The following GRK7 variants were observed in gnomAD, a reference collection of about 807,000 sequenced individuals.
GRK7 encodes G protein-coupled receptor kinase 7.
A neutral mutation model predicts 34.1 loss-of-function variants in GRK7; 24 were observed. The observed-to-expected ratio is 0.70, with a 90% CI of 0.51 to 0.99. GRK7 has a LOEUF of 0.99. GRK7 is among the 50% of genes least tolerant of loss of function. The pLI is 0.00. For missense variants in GRK7, 644 were observed against 707.3 expected (o/e 0.91, Z 1.02); for synonymous variants, 256 against 279.4 (o/e 0.92, Z 0.84).
chr3:141,752,364 C>T, the GRK7 span, among the ~76,000 whole-genome samples: 5 of 152,246 alleles, frequency 3.3e-5, no homozygotes, highest in East Asian at 1.9e-4. Flanking sequence ...ATGTCCACAA[C>T]GTAGTGGAGG....
intron 1 of GRK7, among the ~76,000 whole-genome samples, chr3:141,768,996 C>T (rs1359813427): frequency 1.3e-5 from 2 of 152,104 alleles, no homozygotes; most frequent in Non-Finnish European, 2.9e-5. Flanking sequence ...AGTCTCACTC[C>T]CTTCTCTCTC....
Position 141,778,792 on chromosome 3 carries a change from G to T in GRK7, c.508G>T (p.Ala170Ser), listed in dbSNP as rs752439966. The T allele has an allele frequency of 1.9e-6, 3 of 1,607,866 alleles. No homozygotes were observed. Residue 170 changes from alanine (A) to serine (S), a missense_variant, in exon 3 of 6, where the codon GCC becomes TCC. By Grantham distance (99) the Ala-to-Ser change is moderately conservative (BLOSUM62 1). Coordinates refer to ENST00000682958, the MANE Select transcript of GRK7 (RefSeq NM_139209.3). This position sits in a 1 kb window ranked among gnomAD's most constrained non-coding sequence, Gnocchi z 4.1. Reference protein sequence around the residue: ...EQPFKDFVTSAFYDKFLQWKL... With the variant: ...EQPFKDFVTSSFYDKFLQWKL... Reference sequence around the variant, plus strand: ...GCCCTTTAAGGATTTCGTGACCAGCGCCTTCTACGACAAGTTTCTGCAGTG... The same window carrying T: ...GCCCTTTAAGGATTTCGTGACCAGCTCCTTCTACGACAAGTTTCTGCAGTG...
chr3:141,760,008 T>C (rs2084548201), upstream of GRK7, among the ~76,000 whole-genome samples: 1 of 91,914 alleles, frequency 1.1e-5, no homozygotes. Context: ...TGATATCCCC[T>C]TTATCATTTT....
chr3:141,806,261 C>G (rs1711034235), intron 4 of GRK7, among the ~76,000 whole-genome samples: 1 of 152,088 alleles, frequency 6.6e-6, no homozygotes, highest in Non-Finnish European at 1.5e-5. Context: ...TGTCATATCG[C>G]TCTCTGAAAA....
At chr3:141,779,663 G>A (rs1447546545) in intron 3 of GRK7, among the ~76,000 whole-genome samples, 1 of 152,118 alleles carries the variant, frequency 6.6e-6, no homozygotes, top group Non-Finnish European at 1.5e-5. Context: ...CATCACCCCT[G>A]TGCCCATTAA....
rs569108851 is a variant in GRK7, at chr3:141,778,356, C to G, written c.72C>G (p.Asp24Glu). ...TAYLQARKPS[D>E]CDSKELQRRR... ...ACCTGCAGGCCCGGAAGCCCTCGGA[C>G]TGCGACAGCAAAGAGCTGCAGCGGC... Residue 24 changes from aspartate (D) to glutamate (E), a missense_variant, in exon 3 of 6, where the codon GAC (aspartate) becomes GAG (glutamate). Coordinates refer to ENST00000682958, the MANE Select transcript of GRK7 (RefSeq NM_139209.3). This position sits in a 1 kb window ranked among gnomAD's most constrained non-coding sequence, Gnocchi z 4.1. The G allele has an allele frequency of 3.0e-4, 489 of 1,610,254 alleles. 5 individuals carry two copies. In the South Asian group the frequency reaches 5.1e-3, roughly 17 times the overall value.
At chr3:141,812,853 C>T (rs903258552) in intron 5 of GRK7, among the ~76,000 whole-genome samples, 1 of 152,012 alleles carries the variant, frequency 6.6e-6, no homozygotes, top group African/African-American at 2.4e-5. Flanking sequence ...TTTTAAGGGC[C>T]CTTTTGACAC....
At chr3:141,795,370 A>G (rs2084744002) in intron 4 of GRK7, among the ~76,000 whole-genome samples, 1 of 152,186 alleles carries the variant, frequency 6.6e-6, no homozygotes, top group South Asian at 2.1e-4. Context: ...CCCCCAACAC[A>G]AAGCATATTC....
At chr3:141,805,491 C>T (rs2107892764) in intron 4 of GRK7, among the ~76,000 whole-genome samples, 1 of 152,276 alleles carries the variant, frequency 6.6e-6, no homozygotes, top group East Asian at 1.9e-4. Flanking sequence ...CTGGACAAGA[C>T]GCCAGGGCAA....
At chr3:141,780,282 C>A in intron 3 of GRK7, 92 bp from the exon 4 acceptor site, 2 of 1,098,566 alleles carry the variant, frequency 1.8e-6, no homozygotes, top group Non-Finnish European at 2.6e-6. Flanking sequence ...CAATGCCTAA[C>A]ATCTTTCCAC....
chr3:141,819,043 A>ATT lies in GRK7; in HGVS notation c.*2003_*2004dup, dbSNP rs146007277. Among the ~76,000 whole-genome samples the ATT allele has an allele frequency of 2.0e-5, 3 of 148,592 alleles. No individual in the cohort carries two copies. The highest frequency in any genetic ancestry group is 7.4e-5 in the African/African-American group (3 of 40,682). ...AGCAGGATAGAAGTGTGCCCAGGAG[A>ATT]TTTTTTTTTTTCCTGAAGTAAGAAA... On this transcript the variant is annotated 3_prime_UTR_variant, in exon 6 of 6. Coordinates refer to ENST00000682958, the MANE Select transcript of GRK7 (RefSeq NM_139209.3).
In GRK7 at chr3:141,818,890, A is replaced by C. The variant is rs192011067; in HGVS notation, c.*1840A>C. Among the ~76,000 whole-genome samples the C allele has an allele frequency of 1.5e-4, 23 of 152,308 alleles. No homozygotes were observed. The highest frequency in any genetic ancestry group is 4.3e-4 in the African/African-American group (18 of 41,566). ...ACCACACCTGGAACAAGTTAAGAAG[A>C]AGCCCTCTGAGAGTTGAGGCCTCGG... On this transcript the variant is annotated 3_prime_UTR_variant, in exon 6 of 6. Transcript: ENST00000682958.
At chr3:141,815,112 A>G (rs1711137873) in intron 5 of GRK7, among the ~76,000 whole-genome samples, 1 of 151,856 alleles carries the variant, frequency 6.6e-6, no homozygotes, top group South Asian at 2.1e-4. Context: ...TTTAGTAGAG[A>G]TGGGGTTTCA....
At chr3:141,792,260 C>T (rs775754912) in intron 4 of GRK7, among the ~76,000 whole-genome samples, 3 of 151,694 alleles carry the variant, frequency 2.0e-5, no homozygotes, top group African/African-American at 4.8e-5. Context: ...AAAAATTAGC[C>T]GGGCATTGTA....
Position 141,778,596 on chromosome 3 carries a change from C to A in GRK7, c.312C>A (p.Ser104Arg). ...ELAEEGPTKD[S>R]ALQGLVATCA... Reference sequence around the variant, plus strand: ...CCGAGGAGGGACCCACCAAAGACAGCGCGCTGCAGGGGCTGGTGGCCACTT... The same window carrying A: ...CCGAGGAGGGACCCACCAAAGACAGAGCGCTGCAGGGGCTGGTGGCCACTT... Residue 104 changes from serine to arginine, a missense_variant, in exon 3 of 6, where the codon AGC becomes AGA. Transcript: ENST00000682958. This position sits in a 1 kb window ranked among gnomAD's most constrained non-coding sequence, Gnocchi z 4.1. The A allele has an allele frequency of 1.9e-6, 3 of 1,612,714 alleles. No homozygotes were observed. The highest frequency in any genetic ancestry group is 1.3e-5 in the African/African-American group (1 of 75,070).
At chr3:141,801,622 C>T (rs1037527401) in intron 4 of GRK7, among the ~76,000 whole-genome samples, 2 of 151,896 alleles carry the variant, frequency 1.3e-5, no homozygotes, top group African/African-American at 4.8e-5. Flanking sequence ...CAAATATGTC[C>T]AGATAATATT....
At chr3:141,796,006 T>TCTAATATAGA (rs1191612310) in intron 4 of GRK7, among the ~76,000 whole-genome samples, 10 of 152,146 alleles carry the variant, frequency 6.6e-5, no homozygotes, top group African/African-American at 2.4e-4. Context: ...TGTCATCTAA[T>TCTAATATAGA]CTAATATAGA....
chr3:141,789,183 T>C (rs577608555), intron 4 of GRK7, among the ~76,000 whole-genome samples: 1 of 152,302 alleles, frequency 6.6e-6, no homozygotes, highest in East Asian at 1.9e-4. Flanking sequence ...TACTGGACTA[T>C]CAATCAGAGT....
chr3:141,806,435 C>T (rs933455180), intron 4 of GRK7, among the ~76,000 whole-genome samples: 4 of 151,934 alleles, frequency 2.6e-5, no homozygotes, highest in Admixed American at 1.3e-4. Context: ...TGGTGGCAGG[C>T]GCCTGTAATG....
Sources: gnomAD v4.1 joint callset for allele counts (sites outside exome capture counted in the v4.1 genomes callset) on GRCh38, gnomAD v4.1.1 for gene constraint, Gnocchi (gnomAD v3.1) non-coding constraint, MANE v1.5 for transcripts, NCBI Gene and HGNC (gene_info 2026-07-23, HGNC 2026-07-21) for gene names.